Variants in PPP2R2C observed in about 807,000 individuals in gnomAD.
The protein encoded by PPP2R2C is protein phosphatase 2, regulatory subunit B, gamma.
In PPP2R2C, 10 loss-of-function variants were observed where a neutral mutation model predicts 45.3. That is an observed-to-expected ratio of 0.22 (90% confidence interval 0.14 to 0.37). The LOEUF (loss-of-function observed/expected upper bound fraction) is 0.37, where lower values mean the gene tolerates loss of function less well. PPP2R2C is among the 10% of genes least tolerant of loss of function. The pLI is 1.00. For missense variants in PPP2R2C, 308 were observed against 619.7 expected, an observed-to-expected ratio of 0.50 and a Z score of 5.34; for synonymous variants, 257 against 245.4, an observed-to-expected ratio of 1.05 and a Z score of -0.44.
intron 1 of PPP2R2C, among the ~76,000 whole-genome samples, chr4:6,404,695 G>T (rs6825304): frequency 6.6e-6 from 1 of 152,052 alleles, no homozygotes; most frequent in Non-Finnish European, 1.5e-5. Flanking sequence ...TCCAAGGGGG[G>T]TTCTAAGGAG....
At chr4:6,344,489 G>A (rs1032413888) in intron 6 of PPP2R2C, among the ~76,000 whole-genome samples, 2 of 152,164 alleles carry the variant, frequency 1.3e-5, no homozygotes, top group Non-Finnish European at 2.9e-5. Context: ...GGGAGCCAAA[G>A]GGGGTCTGAC....
At chr4:6,451,742 C>G (rs1720742065) in intron 1 of PPP2R2C, among the ~76,000 whole-genome samples, 1 of 152,140 alleles carries the variant, frequency 6.6e-6, no homozygotes, top group African/African-American at 2.4e-5. Context: ...CCACCCTCCT[C>G]CTCCCGGCCT....
chr4:6,538,579 C>A (rs1034267355), intron 1 of PPP2R2C, among the ~76,000 whole-genome samples: 4 of 152,118 alleles, frequency 2.6e-5, no homozygotes, highest in Non-Finnish European at 5.9e-5. Flanking sequence ...CTTCCAAACG[C>A]CAATAACACG....
Position 6,323,153 on chromosome 4 carries a change from C to A in PPP2R2C, c.*149G>T. 1.1e-6 allele frequency: 1 copy of A among 942,608 alleles called. No individual in the cohort carries two copies. Among genetic ancestry groups the A allele is most frequent in the Non-Finnish European group, 1.5e-6 (1 of 677,238 alleles). 58.4% of individuals were successfully genotyped at this position (942,608 alleles called of 1,614,324 possible). The stretch of plus-strand genomic sequence containing the variant: ...AGGAAAGCTGGGGCAGGGAGGGGGC[C>A]CAAACTTCCTGTGTCCACACACTGC... On this transcript the variant is annotated 3_prime_UTR_variant, in exon 9 of 9. Transcript: ENST00000382599.
intron 2 of PPP2R2C, among the ~76,000 whole-genome samples, chr4:6,522,037 G>A (rs550100226): frequency 1.3e-5 from 2 of 152,148 alleles, no homozygotes; most frequent in Non-Finnish European, 2.9e-5. Context: ...TCTGGGAACA[G>A]AGAAGTGTTG....
At chr4:6,479,332 A>T (rs1445865231) in intron 2 of PPP2R2C, among the ~76,000 whole-genome samples, 5 of 152,272 alleles carry the variant, frequency 3.3e-5, no homozygotes, top group East Asian at 1.9e-4. Flanking sequence ...TTGTTCGACC[A>T]CTTTGAACCT....
intron 1 of PPP2R2C, among the ~76,000 whole-genome samples, chr4:6,399,309 G>C (rs1396340529): frequency 6.6e-6 from 1 of 152,192 alleles, no homozygotes; most frequent in Non-Finnish European, 1.5e-5. Flanking sequence ...AAAGAGGGGA[G>C]AGGAAGTGCC....
At chr4:6,543,971 A>C (rs1225203837) in intron 1 of PPP2R2C, among the ~76,000 whole-genome samples, 3 of 152,208 alleles carry the variant, frequency 2.0e-5, no homozygotes, top group Non-Finnish European at 4.4e-5. Context: ...GCCTTCACTC[A>C]TCCAAGGATC....
intron 1 of PPP2R2C, among the ~76,000 whole-genome samples, chr4:6,557,234 T>G (rs1002719657): frequency 6.6e-6 from 1 of 152,174 alleles, no homozygotes; most frequent in African/African-American, 2.4e-5. Flanking sequence ...GGGAAGAATA[T>G]TTGAACCACT....
chr4:6,339,050 C>T (rs1733232407), intron 6 of PPP2R2C, among the ~76,000 whole-genome samples: 2 of 152,234 alleles, frequency 1.3e-5, no homozygotes, highest in Admixed American at 1.3e-4. Context: ...TCCCTGAGAT[C>T]CCTTTCCCAT....
chr4:6,427,963 T>G (rs1317704548), intron 1 of PPP2R2C, among the ~76,000 whole-genome samples: 5 of 152,156 alleles, frequency 3.3e-5, no homozygotes, highest in African/African-American at 7.2e-5. Flanking sequence ...GGCACTGTTA[T>G]TCCTGTTTTG....
chr4:6,333,863 A>C (rs1732622122), intron 6 of PPP2R2C, 132 bp from the exon 7 acceptor site: 2 of 949,416 alleles, frequency 2.1e-6, no homozygotes, highest in South Asian at 3.2e-5. Context: ...TCAAACCTAG[A>C]ACTAAACACT....
intron 1 of PPP2R2C, among the ~76,000 whole-genome samples, chr4:6,457,207 C>CAAA (rs34145628): frequency 4.5e-5 from 4 of 88,808 alleles, no homozygotes; most frequent in South Asian, 4.3e-4. Context: ...GACTCCATCT[C>CAAA]AAAAAAAAAA....
intron 1 of PPP2R2C, among the ~76,000 whole-genome samples, chr4:6,389,992 C>T (rs751554166): frequency 2.0e-5 from 3 of 152,100 alleles, no homozygotes; most frequent in Non-Finnish European, 2.9e-5. Context: ...GCTGAGCAGA[C>T]GCCCCACCCA....
chr4:6,468,078 T>C (rs983579742), intron 1 of PPP2R2C, among the ~76,000 whole-genome samples: 4 of 152,178 alleles, frequency 2.6e-5, no homozygotes, highest in Admixed American at 6.5e-5. Flanking sequence ...ACCATATGTG[T>C]TCTCCTTGGA....
intron 2 of PPP2R2C, among the ~76,000 whole-genome samples, chr4:6,479,406 C>T (rs1335036048): frequency 1.7e-5 from 2 of 119,048 alleles, no homozygotes; most frequent in Non-Finnish European, 3.5e-5. Context: ...AAGACGAAAG[C>T]CCACCCACCC....
At chr4:6,525,670 G>GCC (rs1485153537) in intron 2 of PPP2R2C, among the ~76,000 whole-genome samples, 1 of 152,084 alleles carries the variant, frequency 6.6e-6, no homozygotes, top group Non-Finnish European at 1.5e-5. Flanking sequence ...ACTCAGGGCT[G>GCC]CCCCTTTCTT....
chr4:6,452,821 C>T (rs949823057), intron 1 of PPP2R2C, among the ~76,000 whole-genome samples: 1 of 152,228 alleles, frequency 6.6e-6, no homozygotes. Flanking sequence ...CGACTGAGTT[C>T]TTGGCCCAAA....
At chr4:6,415,219 A>G (rs11721574) in intron 1 of PPP2R2C, among the ~76,000 whole-genome samples, 1 of 152,192 alleles carries the variant, frequency 6.6e-6, no homozygotes, top group Non-Finnish European at 1.5e-5. Context: ...CAGCGCCAGC[A>G]TGTCCACTGT....
Sources: gnomAD v4.1 joint callset for allele counts (sites outside exome capture counted in the v4.1 genomes callset) on GRCh38, gnomAD v4.1.1 for gene constraint, MANE v1.5 for transcripts, NCBI Gene and HGNC (gene_info 2026-07-23, HGNC 2026-07-21) for gene names.